The following SEC62 variants were observed in gnomAD, a reference collection of about 807,000 sequenced individuals.
The protein encoded by SEC62 is translocation protein SEC62.
SEC62 carries 10 observed loss-of-function variants against 47.5 expected under a neutral mutation model. The observed-to-expected ratio is 0.21, with a 90% CI of 0.13 to 0.36. SEC62 has a LOEUF of 0.36. Among genes scored for constraint, SEC62 ranks in the 10% least tolerant of loss-of-function variants. The pLI is 1.00. For missense variants in SEC62, 327 were observed against 464.1 expected (o/e 0.70, Z 2.71); for synonymous variants, 136 against 150.5 (o/e 0.90, Z 0.71).
intron 5 of SEC62, 139 bp from the exon 6 acceptor site, chr3:169,985,666 A>G: frequency 1.9e-6 from 1 of 523,466 alleles, no homozygotes; most frequent in Non-Finnish European, 3.3e-6. Context: ...AGATCTTTGG[A>G]ATTTATTTAC....
At chr3:169,972,300 A>G (rs1714716839) in intron 1 of SEC62, among the ~76,000 whole-genome samples, 1 of 152,190 alleles carries the variant, frequency 6.6e-6, no homozygotes, top group Non-Finnish European at 1.5e-5. Context: ...TGTCTCTACT[A>G]GAGCCAAATT....
chr3:169,969,347 C>T (rs1714636122), intron 1 of SEC62: 1 of 456,510 alleles, frequency 2.2e-6, no homozygotes, highest in Admixed American at 2.3e-5. Context: ...TGTCACATTT[C>T]CTTCTTGGAC....
chr3:169,974,351 C>T (rs905781889), intron 1 of SEC62, among the ~76,000 whole-genome samples: 5 of 152,170 alleles, frequency 3.3e-5, no homozygotes, highest in Non-Finnish European at 7.3e-5. Context: ...GTTTCAATAG[C>T]TTACAGCAAT....
At chr3:169,980,761 C>T (rs1333450790) in intron 3 of SEC62, among the ~76,000 whole-genome samples, 1 of 152,116 alleles carries the variant, frequency 6.6e-6, no homozygotes, top group Non-Finnish European at 1.5e-5. Flanking sequence ...CGTAGATAGC[C>T]AGCCACATTA....
chr3:169,990,148 G>T (rs1344232454), intron 7 of SEC62, among the ~76,000 whole-genome samples: 1 of 151,148 alleles, frequency 6.6e-6, no homozygotes, highest in Non-Finnish European at 1.5e-5. Context: ...GTTGCCCAGG[G>T]TAAAGTACCA....
chr3:169,983,127 T>G, intron 4 of SEC62, 34 bp from the exon 5 acceptor site: 1 of 1,536,018 alleles, frequency 6.5e-7, no homozygotes, highest in Admixed American at 1.8e-5. Flanking sequence ...TGCTTACTTG[T>G]GTTATTTCTT....
chr3:169,978,255 G>A (rs1171881565), intron 3 of SEC62, among the ~76,000 whole-genome samples: 5 of 152,126 alleles, frequency 3.3e-5, no homozygotes, highest in Non-Finnish European at 5.9e-5. Context: ...CTCCAGCCTG[G>A]GCGACAGAGT....
chr3:169,967,104 C>A (rs1714549508), intron 1 of SEC62, among the ~76,000 whole-genome samples: 1 of 152,180 alleles, frequency 6.6e-6, no homozygotes, highest in Non-Finnish European at 1.5e-5. Flanking sequence ...AGGCGCCGCG[C>A]TCAGAATCCG....
rs1004857426 is a variant in SEC62 at position 169,993,856 on chromosome 3, A to G, written c.*793A>G. The G allele has an allele frequency of 1.3e-5, 2 of 152,634 alleles. No homozygotes were observed. The highest frequency in any genetic ancestry group is 4.8e-5 in the African/African-American group (2 of 41,446). The allele number at this position is 152,634 out of a possible 1,614,324, so 9.5% of individuals were successfully genotyped here. ...ACTTATTATTTAGATATTTCTCAACACTTAAATTCATAAAATTAAGACCAT... is the reference window on the plus strand; with the variant it reads ...ACTTATTATTTAGATATTTCTCAACGCTTAAATTCATAAAATTAAGACCAT... On this transcript the variant is annotated 3_prime_UTR_variant, in exon 8 of 8. Coordinates refer to ENST00000337002, the MANE Select transcript of SEC62 (RefSeq NM_003262.4).
chr3:169,975,149 C>T (rs1034121772), intron 1 of SEC62, among the ~76,000 whole-genome samples: 1 of 151,956 alleles, frequency 6.6e-6, no homozygotes, highest in Non-Finnish European at 1.5e-5. Context: ...GGCATGGTGG[C>T]AGGCACCTGT....
At position 169,992,561 on chromosome 3, in the gene SEC62, A is replaced by T. The variant is rs760563469; in HGVS notation, c.731-33A>T. 6.7e-7 allele frequency: 1 copy of T among 1,484,398 alleles called. No individual in the cohort carries two copies. The highest frequency in any genetic ancestry group is 1.7e-4 in the Middle Eastern group (1 of 5,744). 92.0% of individuals were successfully genotyped at this position (1,484,398 alleles called of 1,614,324 possible). ...TACTCCCTTCTGAGGCAGTGTTTGA[A>T]TTACTCAATTAGAGAAATTTTTCTC... On this transcript the variant is annotated intron_variant, in intron 7 of 7. Transcript: ENST00000337002. This position sits in a 1 kb window ranked among gnomAD's most constrained non-coding sequence, Gnocchi z 4.0.
chr3:169,982,519 A>C (rs1009466248), intron 3 of SEC62, 188 bp from the exon 4 acceptor site: 2 of 605,468 alleles, frequency 3.3e-6, no homozygotes, highest in Non-Finnish European at 6.1e-6. Context: ...CAACTTTTAT[A>C]TAATTGACTG....
intron 1 of SEC62, among the ~76,000 whole-genome samples, 166 bp downstream of exon 1, chr3:169,967,024 G>A (rs1177409728): frequency 6.6e-6 from 1 of 152,214 alleles, no homozygotes; most frequent in South Asian, 2.1e-4. Flanking sequence ...TGAGGGGCCT[G>A]AGGGGGGGCG....
intron 1 of SEC62, among the ~76,000 whole-genome samples, chr3:169,970,719 C>T (rs1714676196): frequency 6.6e-6 from 1 of 152,186 alleles, no homozygotes; most frequent in African/African-American, 2.4e-5. Flanking sequence ...TTTATTGGCT[C>T]TTAGCTTCCT....
At chr3:169,983,462 T>G in intron 5 of SEC62, 1 of 371,406 alleles carries the variant, frequency 2.7e-6, no homozygotes. Flanking sequence ...AAACCTGAAA[T>G]AAAAGCATCT....
At chr3:169,985,226 G>C (rs1380083169) in intron 5 of SEC62, 1 of 152,080 alleles carries the variant, frequency 6.6e-6, no homozygotes, top group Non-Finnish European at 1.5e-5. Context: ...AATAAATAAT[G>C]ATGTGCACAC....
At chr3:169,989,908 T>C (rs142437811) in intron 7 of SEC62, among the ~76,000 whole-genome samples, 82 of 149,442 alleles carry the variant, frequency 5.5e-4, no homozygotes, top group Middle Eastern at 3.5e-3. Context: ...TTCTTTTATA[T>C]TATTCTTTGA....
intron 1 of SEC62, among the ~76,000 whole-genome samples, chr3:169,972,451 G>C (rs916069315): frequency 3.9e-5 from 6 of 152,016 alleles, no homozygotes; most frequent in Non-Finnish European, 8.8e-5. Context: ...CTTTCACTTT[G>C]TTGCCAAGGC....
intron 1 of SEC62, chr3:169,969,243 G>T (rs938080140): frequency 7.7e-5 from 35 of 452,542 alleles, no homozygotes; most frequent in Non-Finnish European, 1.4e-4. Flanking sequence ...TAAGTTCAGG[G>T]TTAAAAAAAA....
Sources: gnomAD v4.1 joint callset for allele counts (sites outside exome capture counted in the v4.1 genomes callset) on GRCh38, gnomAD v4.1.1 for gene constraint, Gnocchi (gnomAD v3.1) non-coding constraint, MANE v1.5 for transcripts, NCBI Gene and HGNC (gene_info 2026-07-23, HGNC 2026-07-21) for gene names.